EHBP1: variants seen among roughly 807,000 people sequenced by gnomAD.
EHBP1 encodes the protein EH domain-binding protein 1.
In EHBP1, 55 loss-of-function variants were observed where a neutral mutation model predicts 144.0. That is an observed-to-expected ratio of 0.38 (90% confidence interval 0.31 to 0.48). EHBP1 has a LOEUF of 0.48. Among genes scored for constraint, EHBP1 ranks in the 20% least tolerant of loss-of-function variants. EHBP1 has a pLI of 0.98. For synonymous variants in EHBP1, 469 were observed against 472.7 expected (o/e 0.99, Z 0.10); for missense variants, 1,200 against 1,364.2 (o/e 0.88, Z 1.90).
At chr2:62,955,265 A>G (rs921519667) in intron 13 of EHBP1, among the ~76,000 whole-genome samples, 14 of 152,146 alleles carry the variant, frequency 9.2e-5, no homozygotes, top group African/African-American at 3.4e-4. Context: ...TAATGAGAAT[A>G]TGTTCTAATA....
chr2:62,854,112 T>C (rs1009583501), intron 7 of EHBP1, among the ~76,000 whole-genome samples: 3 of 152,206 alleles, frequency 2.0e-5, no homozygotes, highest in African/African-American at 7.2e-5. Context: ...AAGTTGAAGC[T>C]ACATTAGCTT....
intron 19 of EHBP1, among the ~76,000 whole-genome samples, chr2:63,019,482 G>A (rs370157233): frequency 6.6e-6 from 1 of 152,274 alleles, no homozygotes; most frequent in South Asian, 2.1e-4. Context: ...GCCCAGGCGG[G>A]CAGATCACGA....
At chr2:62,932,019 A>G (rs1170845594) in intron 10 of EHBP1, among the ~76,000 whole-genome samples, 1 of 152,060 alleles carries the variant, frequency 6.6e-6, no homozygotes, top group East Asian at 1.9e-4. Flanking sequence ...TCTACTAAAA[A>G]TATAAAAATT....
intron 5 of EHBP1, among the ~76,000 whole-genome samples, chr2:62,816,860 C>T (rs2045487479): frequency 6.6e-6 from 1 of 152,142 alleles, no homozygotes; most frequent in African/African-American, 2.4e-5. Flanking sequence ...TGAAGGAATA[C>T]CTATTTTGCT....
intron 10 of EHBP1, among the ~76,000 whole-genome samples, chr2:62,932,774 C>T (rs185406782): frequency 2.4e-4 from 37 of 151,764 alleles, no homozygotes; most frequent in Non-Finnish European, 3.2e-4. Flanking sequence ...GGCAACGTGG[C>T]GGAATCCCGT....
At chr2:62,898,562 T>TA (rs1003314264) in intron 10 of EHBP1, among the ~76,000 whole-genome samples, 4 of 152,160 alleles carry the variant, frequency 2.6e-5, no homozygotes, top group African/African-American at 4.8e-5. Context: ...GCTACCTCCT[T>TA]AAAGAAGCCT....
rs1034644260 is a variant in EHBP1, at chr2:63,020,332, A to G, written c.3104-17203A>G. Among the ~76,000 whole-genome samples the G allele has an allele frequency of 9.3e-5, 14 of 150,036 alleles. No homozygotes were observed. The East Asian group carries it at 2.2e-3, about 24-fold the overall frequency. Reference sequence around the variant, plus strand: ...GAGTGAGACTCTGTCTCAAAAAAAAAAAAAAAAAAAAAAAGAAAACATTAG... The same window carrying G: ...GAGTGAGACTCTGTCTCAAAAAAAAGAAAAAAAAAAAAAAGAAAACATTAG... On this transcript the variant is annotated intron_variant, in intron 19 of 22. Coordinates refer to ENST00000431489, the MANE Select transcript of EHBP1 (RefSeq NM_001142616.3).
chr2:62,692,522 G>T (rs906859751), intron 1 of EHBP1, among the ~76,000 whole-genome samples: 4 of 152,056 alleles, frequency 2.6e-5, no homozygotes, highest in Non-Finnish European at 4.4e-5. Flanking sequence ...CAATTTTATT[G>T]CATCCTCATC....
intron 5 of EHBP1, among the ~76,000 whole-genome samples, chr2:62,810,924 G>A (rs2044948723): frequency 6.6e-6 from 1 of 152,152 alleles, no homozygotes; most frequent in Non-Finnish European, 1.5e-5. Flanking sequence ...GTCAACTGGA[G>A]GTTAGGGTTG....
intron 3 of EHBP1, among the ~76,000 whole-genome samples, chr2:62,755,942 T>G (rs1433872161): frequency 1.3e-5 from 2 of 151,644 alleles, no homozygotes; most frequent in African/African-American, 4.8e-5. Flanking sequence ...TAAGAGAAAA[T>G]GAGAAACATA....
At chr2:62,870,990 C>A (rs1182682037) in intron 9 of EHBP1, among the ~76,000 whole-genome samples, 1 of 152,032 alleles carries the variant, frequency 6.6e-6, no homozygotes, top group Non-Finnish European at 1.5e-5. Context: ...AGGTTGACAT[C>A]TTATTTCTAA....
chr2:62,980,838 T>C (rs1331506975), intron 15 of EHBP1, among the ~76,000 whole-genome samples: 2 of 148,524 alleles, frequency 1.3e-5, no homozygotes, highest in African/African-American at 4.9e-5. Flanking sequence ...TATATATATT[T>C]TAATTTTTTT....
intron 5 of EHBP1, among the ~76,000 whole-genome samples, chr2:62,779,274 T>G (rs1285131544): frequency 1.3e-5 from 2 of 152,214 alleles, no homozygotes; most frequent in African/African-American, 4.8e-5. Context: ...CATACTCCAC[T>G]TTTTGTTCTT....
chr2:62,834,218 T>A (rs2152676299), intron 7 of EHBP1, among the ~76,000 whole-genome samples: 1 of 152,338 alleles, frequency 6.6e-6, no homozygotes, highest in African/African-American at 2.4e-5. Flanking sequence ...TCACATCAAC[T>A]TTGATAAAGT....
At chr2:62,900,795 T>G (rs2053354550) in intron 10 of EHBP1, among the ~76,000 whole-genome samples, 2 of 152,050 alleles carry the variant, frequency 1.3e-5, no homozygotes, top group South Asian at 4.2e-4. Context: ...CAAATGATGT[T>G]ATCAGTTTGT....
chr2:62,707,352 T>C, intron 2 of EHBP1, 57 bp downstream of exon 2: 1 of 1,290,508 alleles, frequency 7.7e-7, no homozygotes, highest in Non-Finnish European at 1.1e-6. Context: ...TACTGTGGCC[T>C]AAACTCTGGG....
rs867684675 is a variant in EHBP1, at chr2:62,910,811, T to C, written c.1186-31907T>C. ...ATATTTTGATGGGGAATATAAACTTTAGATGAGTTAAAACAGATCCTCAGT... is the reference window on the plus strand; with the variant it reads ...ATATTTTGATGGGGAATATAAACTTCAGATGAGTTAAAACAGATCCTCAGT... On this transcript the variant is annotated intron_variant, in intron 10 of 22. Coordinates refer to ENST00000431489, the MANE Select transcript of EHBP1 (RefSeq NM_001142616.3). 4.6e-5 allele frequency among the ~76,000 whole-genome samples: 7 copies of C among 152,320 alleles called. No individual in the cohort carries two copies. The South Asian group carries it at 1.5e-3, about 32-fold the overall frequency.
At chr2:62,840,146 G>T (rs1277860625) in intron 7 of EHBP1, among the ~76,000 whole-genome samples, 1 of 149,644 alleles carries the variant, frequency 6.7e-6, no homozygotes, top group Non-Finnish European at 1.5e-5. Flanking sequence ...CAGAGATATA[G>T]ATCAATGGAA....
At chr2:62,896,681 T>TAA (rs74529720) in intron 10 of EHBP1, among the ~76,000 whole-genome samples, 7 of 137,456 alleles carry the variant, frequency 5.1e-5, no homozygotes, top group South Asian at 2.4e-4. Flanking sequence ...AGCCCATCTT[T>TAA]AAAAAAAAAA....
Sources: allele counts gnomAD v4.1 joint callset (sites outside exome capture counted in the v4.1 genomes callset), GRCh38; gene constraint gnomAD v4.1.1; transcripts MANE v1.5; gene names NCBI Gene and HGNC (gene_info 2026-07-23, HGNC 2026-07-21).